The following SIPA1L1 variants were observed in gnomAD, a reference collection of about 807,000 sequenced individuals.
SIPA1L1 encodes the protein signal induced proliferation associated 1 like 1.
Under a neutral mutation model 162.7 loss-of-function variants are expected in SIPA1L1, and 26 were observed. The observed-to-expected ratio is 0.16, with a 90% CI of 0.12 to 0.22. The LOEUF (loss-of-function observed/expected upper bound fraction) is 0.22, where lower values mean the gene tolerates loss of function less well. Among genes scored for constraint, SIPA1L1 ranks in the 10% least tolerant of loss-of-function variants. The pLI, the probability that SIPA1L1 is intolerant of heterozygous loss-of-function variation, is 1.00. For synonymous variants in SIPA1L1, 829 were observed against 837.4 expected (o/e 0.99, Z 0.17); for missense variants, 1,874 against 2,241.0 (o/e 0.84, Z 3.31).
At chr14:71,536,904 T>G (rs919779766) in intron 4 of SIPA1L1, among the ~76,000 whole-genome samples, 9 of 152,230 alleles carry the variant, frequency 5.9e-5, no homozygotes, top group African/African-American at 2.2e-4. Context: ...AATTTTAACT[T>G]GTTAAAAAAT....
In SIPA1L1 at chr14:71,576,263, T is replaced by C. The variant is rs187528757; in HGVS notation, c.-302-11308T>C. On this transcript the variant is annotated intron_variant, in intron 4 of 23. Coordinates refer to ENST00000381232, the MANE Select transcript of SIPA1L1 (RefSeq NM_001386936.1). ...TGGTACAAGGAACATGGCTTAGGGA[T>C]CAGACTCTCGAGCAGTGACCCAGTC... is the stretch of plus-strand genomic sequence containing the variant. Among the ~76,000 whole-genome samples the C allele has an allele frequency of 1.7e-3, 266 of 152,304 alleles. 1 individual carries two copies. Among genetic ancestry groups the C allele is most frequent in the African/African-American group, 6.2e-3 (258 of 41,562 alleles).
chr14:71,332,215 A>G (rs1381992199), intron 2 of SIPA1L1, among the ~76,000 whole-genome samples: 1 of 152,102 alleles, frequency 6.6e-6, no homozygotes, highest in African/African-American at 2.4e-5. Flanking sequence ...TAATTTATTC[A>G]CTTTTCCTGT....
At chr14:71,431,553 G>A (rs922840524) in intron 2 of SIPA1L1, among the ~76,000 whole-genome samples, 1 of 151,966 alleles carries the variant, frequency 6.6e-6, no homozygotes, top group African/African-American at 2.4e-5. Flanking sequence ...AATTAGCTAG[G>A]TATGGTGGAG....
At chr14:71,700,386 G>C (rs2081992963) in intron 14 of SIPA1L1, among the ~76,000 whole-genome samples, 1 of 152,150 alleles carries the variant, frequency 6.6e-6, no homozygotes, top group Admixed American at 6.5e-5. Flanking sequence ...GTAAAAGCAT[G>C]ATTAGAATCC....
At chr14:71,670,102 A>C (rs1331378419) in intron 10 of SIPA1L1, among the ~76,000 whole-genome samples, 3 of 152,188 alleles carry the variant, frequency 2.0e-5, no homozygotes, top group Non-Finnish European at 4.4e-5. Context: ...GTTCACTTTT[A>C]ATTTGGAAAG....
At chr14:71,507,217 G>C (rs1404487061) in intron 2 of SIPA1L1, among the ~76,000 whole-genome samples, 2 of 152,070 alleles carry the variant, frequency 1.3e-5, no homozygotes, top group Admixed American at 6.6e-5. Flanking sequence ...TTGTTAATAT[G>C]ACAGCACAAC....
intron 10 of SIPA1L1, among the ~76,000 whole-genome samples, chr14:71,666,091 C>T (rs946418466): frequency 6.6e-6 from 1 of 152,092 alleles, no homozygotes; most frequent in African/African-American, 2.4e-5. Flanking sequence ...AAGCATTGAT[C>T]ATCAAAGGAT....
intron 2 of SIPA1L1, among the ~76,000 whole-genome samples, chr14:71,468,076 G>A (rs761735528): frequency 4.0e-5 from 6 of 151,172 alleles, no homozygotes; most frequent in Non-Finnish European, 5.9e-5. Context: ...CTGTTACAGG[G>A]ACTTCTCCTA....
intron 2 of SIPA1L1, among the ~76,000 whole-genome samples, chr14:71,410,060 A>T: frequency 6.6e-6 from 1 of 152,028 alleles, no homozygotes; most frequent in East Asian, 1.9e-4. Context: ...CTCATTATTT[A>T]TTTCCTTCAT....
chr14:71,590,033 AAAAAAAAAAAAATATATATAT>A (rs1413662051), intron 5 of SIPA1L1, among the ~76,000 whole-genome samples: 8 of 72,298 alleles, frequency 1.1e-4, no homozygotes, highest in Non-Finnish European at 1.6e-4. Context: ...AAAAAAAAAA[AAAAAAAAAAAAATATATATAT>A]ATATATATAT....
At chr14:71,448,170 T>C (rs368719761) in intron 2 of SIPA1L1, among the ~76,000 whole-genome samples, 12 of 152,240 alleles carry the variant, frequency 7.9e-5, no homozygotes, top group African/African-American at 2.4e-4. Flanking sequence ...GCCATTCTTC[T>C]TTCTCTTAGT....
intron 4 of SIPA1L1, among the ~76,000 whole-genome samples, chr14:71,553,844 A>G (rs2056101212): frequency 6.6e-6 from 1 of 152,080 alleles, no homozygotes; most frequent in Non-Finnish European, 1.5e-5. Context: ...CATTGAATAA[A>G]TGCAATTCTT....
chr14:71,456,473 G>C (rs564126006), intron 2 of SIPA1L1, among the ~76,000 whole-genome samples: 1 of 152,344 alleles, frequency 6.6e-6, no homozygotes, highest in South Asian at 2.1e-4. Context: ...GTGTGGTAGT[G>C]TGGTATGTTT....
intron 4 of SIPA1L1, among the ~76,000 whole-genome samples, chr14:71,546,372 C>CTT (rs1567185819): frequency 2.7e-5 from 2 of 75,372 alleles, no homozygotes; most frequent in Non-Finnish European, 4.7e-5. Flanking sequence ...TTTTCTTTTT[C>CTT]TTTCTTTTTT....
At chr14:71,598,258 T>C in intron 5 of SIPA1L1, 1 of 981,330 alleles carries the variant, frequency 1.0e-6, no homozygotes, top group Non-Finnish European at 1.2e-6. Context: ...TGGACACAAC[T>C]GATGGAAGCT....
intron 7 of SIPA1L1, among the ~76,000 whole-genome samples, chr14:71,640,043 A>G (rs2041553574): frequency 6.6e-6 from 1 of 152,106 alleles, no homozygotes; most frequent in Admixed American, 6.5e-5. Context: ...AGCTGGAATT[A>G]CAGGTGCATA....
At chr14:71,655,444 G>A (rs1312452182) in intron 8 of SIPA1L1, among the ~76,000 whole-genome samples, 1 of 152,132 alleles carries the variant, frequency 6.6e-6, no homozygotes, top group Non-Finnish European at 1.5e-5. Context: ...TAGTGCAGGT[G>A]CCATTTGATA....
chr14:71,658,025 A>G (rs932091326), intron 8 of SIPA1L1, among the ~76,000 whole-genome samples: 5 of 152,080 alleles, frequency 3.3e-5, no homozygotes, highest in Non-Finnish European at 5.9e-5. Context: ...TTGTTATATA[A>G]ATCTTGTGCA....
At chr14:71,670,807 A>T (rs1263686693) in intron 10 of SIPA1L1, among the ~76,000 whole-genome samples, 2 of 152,184 alleles carry the variant, frequency 1.3e-5, no homozygotes, top group Non-Finnish European at 2.9e-5. Context: ...AGAATATTAC[A>T]GTAAACCTAT....
Sources: gnomAD v4.1 joint callset for allele counts (sites outside exome capture counted in the v4.1 genomes callset) on GRCh38, gnomAD v4.1.1 for gene constraint, MANE v1.5 for transcripts, NCBI Gene and HGNC (gene_info 2026-07-23, HGNC 2026-07-21) for gene names.